Variants in TMEM108 observed in about 807,000 individuals in gnomAD.
TMEM108 encodes transmembrane protein 108.
TMEM108 carries 12 observed loss-of-function variants against 35.1 expected under a neutral mutation model. The observed-to-expected ratio is 0.34, with a 90% CI of 0.22 to 0.55. The LOEUF is 0.55. Ranked by LOEUF, TMEM108 falls within the 20% of genes least tolerant of loss-of-function variation. TMEM108 has a pLI of 0.89. For synonymous variants in TMEM108, 287 were observed against 308.6 expected (o/e 0.93, Z 0.73); for missense variants, 680 against 753.3 (o/e 0.90, Z 1.14).
chr3:133,099,675 A>G (rs757191672), intron 2 of TMEM108, among the ~76,000 whole-genome samples: 4 of 152,142 alleles, frequency 2.6e-5, no homozygotes, highest in East Asian at 1.9e-4. Context: ...AAGTTCCACA[A>G]ATCTCTAGGG....
intron 2 of TMEM108, among the ~76,000 whole-genome samples, chr3:133,211,458 A>G (rs898417779): frequency 3.3e-5 from 5 of 152,240 alleles, no homozygotes; most frequent in Non-Finnish European, 7.3e-5. Flanking sequence ...TCAAAATGAT[A>G]GAACATGCTC....
chr3:133,314,220 T>G (rs1343821303), intron 3 of TMEM108, among the ~76,000 whole-genome samples: 3 of 152,144 alleles, frequency 2.0e-5, no homozygotes, highest in African/African-American at 7.2e-5. Context: ...GAGTAATACT[T>G]GGAAAAAATA....
chr3:133,092,343 G>A (rs938811093), intron 2 of TMEM108, among the ~76,000 whole-genome samples: 3 of 152,154 alleles, frequency 2.0e-5, no homozygotes, highest in African/African-American at 7.2e-5. Context: ...CCAAACTCCA[G>A]GGTCTAATAT....
intron 4 of TMEM108, chr3:133,387,867 GATGGC>G (rs1409231399): frequency 1.0e-6 from 1 of 985,448 alleles, no homozygotes; most frequent in Non-Finnish European, 1.2e-6. Context: ...CTAGGCCTAA[GATGGC>G]ATCTGTCACT....
In TMEM108 at chr3:133,379,917, A is replaced by G. The variant is rs1426491817; in HGVS notation, c.206A>G (p.Asn69Ser). The G allele has an allele frequency of 1.8e-5, 29 of 1,613,388 alleles. No homozygotes were observed. Among genetic ancestry groups the G allele is most frequent in the African/African-American group, 2.7e-5 (2 of 74,678 alleles). ...RHTSVVMLTP[N>S]PDGPPSQAAA... is the part of the protein sequence containing the mutation. Reference sequence around the variant, plus strand: ...ACTTCTGTGGTGATGCTGACCCCCAATCCCGATGGACCCCCCTCACAGGCT... The same window carrying G: ...ACTTCTGTGGTGATGCTGACCCCCAGTCCCGATGGACCCCCCTCACAGGCT... The change falls in exon 4 of 6, where the codon AAT becomes AGT. Residue 69 changes from asparagine (N) to serine (S), a missense_variant. Physicochemically the swap from Asn to Ser is conservative, Grantham distance 46 (BLOSUM62 1). Coordinates refer to ENST00000321871, the MANE Select transcript of TMEM108 (RefSeq NM_023943.4).
intron 2 of TMEM108, among the ~76,000 whole-genome samples, chr3:133,048,386 T>G (rs945138149): frequency 6.6e-5 from 10 of 152,222 alleles, no homozygotes; most frequent in African/African-American, 2.4e-4. Flanking sequence ...TGGAAAGGGA[T>G]TATCTTTAAT....
intron 3 of TMEM108, among the ~76,000 whole-genome samples, chr3:133,348,991 A>G (rs1425545919): frequency 6.6e-6 from 1 of 152,150 alleles, no homozygotes; most frequent in African/African-American, 2.4e-5. Flanking sequence ...AGTAAACATG[A>G]TTGTTACCAA....
At chr3:133,253,034 G>A (rs1946493658) in intron 3 of TMEM108, among the ~76,000 whole-genome samples, 1 of 152,174 alleles carries the variant, frequency 6.6e-6, no homozygotes, top group Non-Finnish European at 1.5e-5. Context: ...ACTATTTGAA[G>A]TATACAAGAG....
At chr3:133,319,451 A>G (rs1430162056) in intron 3 of TMEM108, among the ~76,000 whole-genome samples, 1 of 152,210 alleles carries the variant, frequency 6.6e-6, no homozygotes, top group Non-Finnish European at 1.5e-5. Flanking sequence ...AACTCATGAC[A>G]GAACAACCCT....
chr3:133,305,975 A>G (rs894335974), intron 3 of TMEM108, among the ~76,000 whole-genome samples: 60 of 152,146 alleles, frequency 3.9e-4, no homozygotes, highest in African/African-American at 1.2e-3. Flanking sequence ...TTCATTATAT[A>G]TATTCTAGAT....
Position 133,117,398 on chromosome 3 carries a change from T to C in TMEM108, c.-47+71378T>C, listed in dbSNP as rs562010247. Among the ~76,000 whole-genome samples the C allele has an allele frequency of 8.5e-5, 13 of 152,328 alleles. No individual in the cohort carries two copies. In the South Asian group the frequency reaches 2.7e-3, roughly 32 times the overall value. On this transcript the variant is annotated intron_variant, in intron 2 of 5. Transcript: ENST00000321871. ...TATCTGGACTGTGAACAACCCTTAA[T>C]AAAGAGTACATTCCTTTCTGCCAGA...
At position 133,097,824 on chromosome 3, in the gene TMEM108, A is replaced by G. The variant is rs545952107; in HGVS notation, c.-47+51804A>G. Among the ~76,000 whole-genome samples, 66 of 152,184 alleles carry G rather than the reference A, an allele frequency of 4.3e-4. 2 individuals are homozygous for G. Among genetic ancestry groups the G allele is most frequent in the Non-Finnish European group, 4.4e-5 (3 of 68,028 alleles). ...CATTACTGTCTATGTGGATCCTGCAATACACTCCTCCATCACTTTACATGA... is the reference window on the plus strand; with the variant it reads ...CATTACTGTCTATGTGGATCCTGCAGTACACTCCTCCATCACTTTACATGA... On this transcript the variant is annotated intron_variant, in intron 2 of 5. Transcript: ENST00000321871.
chr3:133,375,378 G>A (rs796108272), intron 3 of TMEM108, among the ~76,000 whole-genome samples: 2 of 152,310 alleles, frequency 1.3e-5, no homozygotes, highest in African/African-American at 2.4e-5. Flanking sequence ...ATTCAGACAC[G>A]TTTTAAAAAT....
At chr3:133,142,523 G>C (rs1414243347) in intron 2 of TMEM108, among the ~76,000 whole-genome samples, 1 of 152,098 alleles carries the variant, frequency 6.6e-6, no homozygotes, top group African/African-American at 2.4e-5. Flanking sequence ...GAGGCAGGAG[G>C]CTGCACCAGG....
At chr3:133,312,668 G>C (rs2071148529) in intron 3 of TMEM108, among the ~76,000 whole-genome samples, 1 of 152,228 alleles carries the variant, frequency 6.6e-6, no homozygotes, top group African/African-American at 2.4e-5. Context: ...GAAATCCCCT[G>C]ACCCCTTGTG....
rs76007104 is a variant in TMEM108 at position 133,359,455 on chromosome 3, A to G, written c.41-20297A>G. ...GGCTCTTTAACAATAGCCAAGATAC[A>G]TTGTTAAGTGAGAAAAACAAGGTGT... On this transcript the variant is annotated intron_variant, in intron 3 of 5. Coordinates refer to ENST00000321871, the MANE Select transcript of TMEM108 (RefSeq NM_023943.4). 7.2e-3 allele frequency among the ~76,000 whole-genome samples: 1,099 copies of G among 152,282 alleles called. 15 individuals carry two copies. Among genetic ancestry groups the G allele is most frequent in the African/African-American group, 0.024 (1,017 of 41,542 alleles).
At chr3:133,081,809 C>T (rs2107698488) in intron 2 of TMEM108, among the ~76,000 whole-genome samples, 1 of 152,172 alleles carries the variant, frequency 6.6e-6, no homozygotes, top group African/African-American at 2.4e-5. Context: ...CCAAGTGAGA[C>T]ACATGAAAAA....
Position 133,379,976 on chromosome 3 carries a change from G to A in TMEM108, c.265G>A (p.Glu89Lys). 1 of 1,613,814 alleles carries A rather than the reference G, an allele frequency of 6.2e-7. No individual in the cohort carries two copies. The highest frequency in any genetic ancestry group is 8.5e-7 in the Non-Finnish European group (1 of 1,179,928). The change falls in exon 4 of 6, where the codon GAG (glutamate) becomes AAG (lysine). Residue 89 changes from glutamate to lysine, a missense_variant. Glu to Lys is a moderately conservative substitution (Grantham distance 56). Coordinates refer to ENST00000321871, the MANE Select transcript of TMEM108 (RefSeq NM_023943.4). ...APMATPTPRA[E>K]GHPPTHTIST... is the part of the protein sequence containing the mutation. ...CATGGCAACACCGACACCCCGTGCA[G>A]AGGGGCACCCTCCTACGCACACCAT...
intron 2 of TMEM108, among the ~76,000 whole-genome samples, chr3:133,148,042 G>A (rs1413185365): frequency 6.6e-6 from 1 of 152,208 alleles, no homozygotes; most frequent in Non-Finnish European, 1.5e-5. Flanking sequence ...TGGATAGCTA[G>A]CTACAGAAAA....
Sources: allele counts gnomAD v4.1 joint callset (sites outside exome capture counted in the v4.1 genomes callset), GRCh38; gene constraint gnomAD v4.1.1; transcripts MANE v1.5; gene names NCBI Gene and HGNC (gene_info 2026-07-23, HGNC 2026-07-21).